The following RBFOX1 variants were observed in gnomAD, a reference collection of about 807,000 sequenced individuals.
RBFOX1 encodes the protein RNA binding fox-1 homolog 1.
In RBFOX1, 8 loss-of-function variants were observed where a neutral mutation model predicts 57.7. The ratio of observed to expected loss-of-function variants is 0.14; its 90% CI spans 0.08 to 0.25. The LOEUF (loss-of-function observed/expected upper bound fraction) is 0.25. Ranked by LOEUF, RBFOX1 falls within the 10% of genes least tolerant of loss-of-function variation. The pLI is 1.00. For missense variants in RBFOX1, 611 were observed against 548.5 expected, an observed-to-expected ratio of 1.11 and a Z score of -1.14; for synonymous variants, 326 against 222.4, an observed-to-expected ratio of 1.47 and a Z score of -4.15.
chr16:6,156,821 T>C (rs2152735794), intron 1 of RBFOX1, among the ~76,000 whole-genome samples: 1 of 152,308 alleles, frequency 6.6e-6, no homozygotes, highest in Non-Finnish European at 1.5e-5. Context: ...CTGTATACTA[T>C]GTTTATTTAA....
chr16:6,391,910 C>T (rs1240523277), intron 2 of RBFOX1, among the ~76,000 whole-genome samples: 1 of 152,154 alleles, frequency 6.6e-6, no homozygotes, highest in African/African-American at 2.4e-5. Flanking sequence ...AATGTTTCGG[C>T]AGCGCTGAGG....
intron 2 of RBFOX1, among the ~76,000 whole-genome samples, chr16:5,528,432 T>A (rs1268122222): frequency 6.6e-6 from 1 of 152,158 alleles, no homozygotes; most frequent in East Asian, 1.9e-4. Context: ...CGGGGCCACA[T>A]CTGAGCACAG....
rs954467246 is a variant in RBFOX1, at chr16:5,800,234, C to T, written c.319-67069C>T. 6.6e-5 allele frequency among the ~76,000 whole-genome samples: 10 copies of T among 152,162 alleles called. 1 individual carries two copies. Among genetic ancestry groups the T allele is most frequent in the Admixed American group, 1.3e-4 (2 of 15,284 alleles). The stretch of plus-strand genomic sequence containing the variant: ...CCAAGGGCCACAGGTGATGCTCTGG[C>T]ATGTCCAGTCCAATGGTGTGTAGCC... On this transcript the variant is annotated intron_variant, in intron 3 of 19. Transcript: ENST00000641259.
chr16:5,506,696 G>C (rs1290020693), intron 2 of RBFOX1, among the ~76,000 whole-genome samples: 1 of 152,060 alleles, frequency 6.6e-6, no homozygotes, highest in African/African-American at 2.4e-5. Context: ...AAGGGAGTGA[G>C]GTGTGGGTTA....
At chr16:6,638,697 C>G (rs181719964) in intron 2 of RBFOX1, among the ~76,000 whole-genome samples, 3 of 152,090 alleles carry the variant, frequency 2.0e-5, no homozygotes, top group Admixed American at 1.3e-4. Flanking sequence ...TGTCTTATTA[C>G]GAGCACTCAT....
At chr16:7,231,794 C>T (rs1036909436) in intron 4 of RBFOX1, among the ~76,000 whole-genome samples, 3 of 152,132 alleles carry the variant, frequency 2.0e-5, no homozygotes, top group Admixed American at 6.5e-5. Context: ...TAAAAGAACC[C>T]AGAATCAAAA....
chr16:6,919,602 G>A (rs560248124), intron 3 of RBFOX1, among the ~76,000 whole-genome samples: 1 of 151,762 alleles, frequency 6.6e-6, no homozygotes, highest in Non-Finnish European at 1.5e-5. Flanking sequence ...AGGAAACCCT[G>A]GTATCTTCGA....
At chr16:6,332,596 G>A (rs894248640) in intron 2 of RBFOX1, among the ~76,000 whole-genome samples, 2 of 152,174 alleles carry the variant, frequency 1.3e-5, no homozygotes, top group African/African-American at 2.4e-5. Flanking sequence ...ATAGCGTGCT[G>A]TTATATCTTC....
intron 4 of RBFOX1, among the ~76,000 whole-genome samples, chr16:7,354,775 C>T (rs2097185729): frequency 6.6e-6 from 1 of 152,136 alleles, no homozygotes; most frequent in Non-Finnish European, 1.5e-5. Context: ...CAAAACTGTG[C>T]CATTGACATT....
At chr16:7,512,984 A>T (rs1016350635) in intron 4 of RBFOX1, among the ~76,000 whole-genome samples, 6 of 152,230 alleles carry the variant, frequency 3.9e-5, no homozygotes, top group Non-Finnish European at 8.8e-5. Context: ...TGGGAAGTGG[A>T]CAGGCGCGGT....
In RBFOX1 at chr16:6,909,014, C is replaced by T. The variant is rs776371045; in HGVS notation, c.-15-143043C>T. Among the ~76,000 whole-genome samples, 23 of 152,134 alleles carry T rather than the reference C, an allele frequency of 1.5e-4. 1 individual carries two copies. The highest frequency in any genetic ancestry group is 2.0e-4 in the Admixed American group (3 of 15,268). On this transcript the variant is annotated intron_variant, in intron 3 of 15. Transcript: ENST00000550418. Reference sequence around the variant, plus strand: ...TCTGAACATGCTTAGACTTCCATTTCTGTAGGAGGTTCTTATTGTTGCTAT... The same window carrying T: ...TCTGAACATGCTTAGACTTCCATTTTTGTAGGAGGTTCTTATTGTTGCTAT...
chr16:7,152,989 A>G (rs2076382794), intron 4 of RBFOX1, among the ~76,000 whole-genome samples: 1 of 152,184 alleles, frequency 6.6e-6, no homozygotes, highest in Non-Finnish European at 1.5e-5. Flanking sequence ...ATTTATTCTT[A>G]TGAAAGAGAG....
chr16:5,277,389 C>T (rs2063167357), intron 1 of RBFOX1, among the ~76,000 whole-genome samples: 1 of 152,076 alleles, frequency 6.6e-6, no homozygotes, highest in Non-Finnish European at 1.5e-5. Flanking sequence ...TTTCAGAGAT[C>T]ACCACTGAAG....
At chr16:6,591,786 C>T (rs2097714786) in intron 2 of RBFOX1, among the ~76,000 whole-genome samples, 3 of 152,190 alleles carry the variant, frequency 2.0e-5, no homozygotes, top group Non-Finnish European at 4.4e-5. Flanking sequence ...GAAGGAGAAG[C>T]ATTTTAAACG....
At chr16:6,000,688 G>T (rs1230125493) in intron 4 of RBFOX1, among the ~76,000 whole-genome samples, 1 of 151,832 alleles carries the variant, frequency 6.6e-6, no homozygotes, top group Non-Finnish European at 1.5e-5. Flanking sequence ...TGACTAGGTG[G>T]ATGGGTGGAT....
At chr16:6,213,072 C>T (rs941708326) in intron 1 of RBFOX1, among the ~76,000 whole-genome samples, 14 of 152,170 alleles carry the variant, frequency 9.2e-5, no homozygotes, top group African/African-American at 2.9e-4. Flanking sequence ...GTCACATCTT[C>T]TGTGCCAAAA....
At chr16:6,755,905 C>T (rs1259120076) in intron 3 of RBFOX1, among the ~76,000 whole-genome samples, 1 of 152,096 alleles carries the variant, frequency 6.6e-6, no homozygotes, top group Non-Finnish European at 1.5e-5. Flanking sequence ...GCAGCAGATG[C>T]ACTTTTTCCA....
intron 14 of RBFOX1, among the ~76,000 whole-genome samples, chr16:7,705,295 A>G (rs973659283): frequency 1.3e-5 from 2 of 152,082 alleles, no homozygotes; most frequent in Non-Finnish European, 2.9e-5. Flanking sequence ...TCACGAGGTC[A>G]GGAGATCAAA....
At chr16:7,527,576 G>A (rs1365519959) in intron 5 of RBFOX1, among the ~76,000 whole-genome samples, 3 of 152,168 alleles carry the variant, frequency 2.0e-5, no homozygotes, top group Non-Finnish European at 4.4e-5. Flanking sequence ...GAGAAGCAGA[G>A]TAGAATCTAG....
Sources: gnomAD v4.1 joint callset for allele counts (sites outside exome capture counted in the v4.1 genomes callset) on GRCh38, gnomAD v4.1.1 for gene constraint, MANE v1.5 for transcripts, NCBI Gene and HGNC (gene_info 2026-07-23, HGNC 2026-07-21) for gene names.